MORC4: variants seen among roughly 807,000 people sequenced by gnomAD.
MORC4 encodes the protein MORC family CW-type zinc finger 4, also known as MORC family CW-type zinc finger protein 4.
A neutral mutation model predicts 65.5 loss-of-function variants in MORC4; 22 were observed. That is an observed-to-expected ratio of 0.34 (90% confidence interval 0.24 to 0.48). The LOEUF (loss-of-function observed/expected upper bound fraction) is 0.48. Among genes scored for constraint, MORC4 ranks in the 20% least tolerant of loss-of-function variants. MORC4 has a pLI of 0.99. For missense variants in MORC4, 624 were observed against 703.0 expected, an observed-to-expected ratio of 0.89 and a Z score of 1.27; for synonymous variants, 267 against 255.8, an observed-to-expected ratio of 1.04 and a Z score of -0.42.
chrX:106,995,457 CTTGT>C (rs1935061043), intron 2 of MORC4, among the ~76,000 whole-genome samples: 1 of 111,948 alleles, frequency 8.9e-6, no homozygotes, highest in African/African-American at 3.2e-5. Flanking sequence ...CTACTTAGTA[CTTGT>C]TTAGTTTCCA....
At chrX:106,964,691 A>G (rs971896906) in intron 9 of MORC4, among the ~76,000 whole-genome samples, 1 of 112,175 alleles carries the variant, frequency 8.9e-6, no homozygotes, top group Non-Finnish European at 1.9e-5. Flanking sequence ...TTTATTTTCT[A>G]TATAATGTAA....
chrX:106,958,598 G>C (rs1041551432), intron 10 of MORC4, 134 bp from the exon 11 acceptor site: 4 of 459,126 alleles, frequency 8.7e-6, no homozygotes, highest in African/African-American at 7.6e-5. Flanking sequence ...TATCATCTTG[G>C]TGCCCAAATG....
chrX:106,950,567 C>T (rs1262810878), intron 14 of MORC4, among the ~76,000 whole-genome samples: 4 of 112,201 alleles, frequency 3.6e-5, no homozygotes, highest in Admixed American at 9.4e-5. Context: ...TGAGCAAGCT[C>T]GGGTAGGAAC....
chrX:106,967,900 T>C (rs1349712199), intron 9 of MORC4, among the ~76,000 whole-genome samples: 2 of 111,783 alleles, frequency 1.8e-5, no homozygotes, highest in Non-Finnish European at 3.8e-5. Flanking sequence ...CTTCAGGATA[T>C]TATCCAGGAG....
intron 9 of MORC4, among the ~76,000 whole-genome samples, chrX:106,965,231 A>C (rs1468340585): frequency 8.9e-6 from 1 of 112,136 alleles, no homozygotes; most frequent in African/African-American, 3.2e-5. Flanking sequence ...AACTTTTGTA[A>C]GGAATTGAAG....
At chrX:106,980,797 G>A (rs1934723834) in intron 7 of MORC4, 94 bp downstream of exon 7, 1 of 849,005 alleles carries the variant, frequency 1.2e-6, no homozygotes, top group Admixed American at 2.8e-5. Context: ...TTTTTAATTT[G>A]AAAGGGAAAG....
Position 106,976,620 on chromosome X carries a change from T to C in MORC4, c.1121A>G (p.Tyr374Cys). ...VIECNFLKPA[Y>C]NKQDFEYTKE... ...GGTATACTCAAAGTCTTGTTTGTTG[T>C]AGGCAGGTTTTAGGAAATTGCACTC... The change falls in exon 9 of 17, where the codon TAC (tyrosine) becomes TGC (cysteine). Residue 374 changes from tyrosine to cysteine, a missense_variant. By Grantham distance (194) the Tyr-to-Cys change is radical. Coordinates refer to ENST00000355610, the MANE Select transcript of MORC4 (RefSeq NM_024657.5). 1 of 1,208,526 alleles carries C rather than the reference T, an allele frequency of 8.3e-7. No individual in the cohort carries two copies. Among genetic ancestry groups the C allele is most frequent in the Non-Finnish European group, 1.1e-6 (1 of 892,736 alleles).
chrX:106,965,583 A>T (rs765329882), intron 9 of MORC4, among the ~76,000 whole-genome samples: 8 of 112,322 alleles, frequency 7.1e-5, no homozygotes, highest in Non-Finnish European at 1.1e-4. Flanking sequence ...GAAGAGGGGT[A>T]CTACTATAAC....
intron 5 of MORC4, among the ~76,000 whole-genome samples, chrX:106,982,947 T>C (rs1016180845): frequency 2.7e-5 from 3 of 112,036 alleles, no homozygotes; most frequent in Non-Finnish European, 5.6e-5. Flanking sequence ...CCTTTATTTA[T>C]ACAGGTTGAA....
At chrX:106,986,894 G>A (rs937443048) in intron 3 of MORC4, among the ~76,000 whole-genome samples, 1 of 111,760 alleles carries the variant, frequency 8.9e-6, no homozygotes, top group African/African-American at 3.2e-5. Flanking sequence ...TCACTTAGGC[G>A]CCTCAACAAT....
intron 2 of MORC4, among the ~76,000 whole-genome samples, chrX:106,998,977 T>A (rs1001590337): frequency 1.8e-5 from 2 of 112,631 alleles, no homozygotes; most frequent in Non-Finnish European, 3.7e-5. Flanking sequence ...CTGCGTTTTG[T>A]GCAGGACTGC....
In MORC4 at chrX:106,962,096, G is replaced by T; in HGVS notation, c.1172C>A (p.Ala391Asp). 1 of 1,200,914 alleles carries T rather than the reference G, an allele frequency of 8.3e-7. No individual in the cohort carries two copies. The highest frequency in any genetic ancestry group is 1.1e-6 in the Non-Finnish European group (1 of 886,828). ...GTAAGCATTGAGCTTCTGGGCAAGG[G>T]CATTTATTGTTAGCCTGAAAGAAAA... is the stretch of plus-strand genomic sequence containing the variant. Reference protein sequence around the residue: ...YTKEYRLTINALAQKLNAYWK... With the variant: ...YTKEYRLTINDLAQKLNAYWK... Residue 391 changes from alanine to aspartate, a missense_variant, in exon 10 of 17, where the codon GCC (alanine) becomes GAC (aspartate). Coordinates refer to ENST00000355610, the MANE Select transcript of MORC4 (RefSeq NM_024657.5).
At position 106,985,970 on chromosome X, in the gene MORC4, C is replaced by A; in HGVS notation, c.526+13G>T. 8.4e-7 allele frequency: 1 copy of A among 1,183,947 alleles called. No individual in the cohort carries two copies. The highest frequency in any genetic ancestry group is 1.7e-5 in the African/African-American group (1 of 57,202). ...AATTTTTAACCAACATTCTCCATTT[C>A]CAGAAAGGATATTGTTTTGCTGGTT... On this transcript the variant is annotated intron_variant, in intron 4 of 16. Transcript: ENST00000355610.
intron 14 of MORC4, among the ~76,000 whole-genome samples, chrX:106,949,120 C>T (rs892871384): frequency 7.2e-5 from 8 of 111,777 alleles, no homozygotes; most frequent in African/African-American, 2.6e-4. Flanking sequence ...ATTGCATAAT[C>T]TATAACTTAT....
In MORC4 at chrX:106,976,564, T is replaced by C; in HGVS notation, c.1157+20A>G. ...ATCTGAACAAACTAACGGAAGCACC[T>C]CAGGTTGGGAGTGACTCACCGGTAC... On this transcript the variant is annotated intron_variant, in intron 9 of 16. Coordinates refer to ENST00000355610, the MANE Select transcript of MORC4 (RefSeq NM_024657.5). 1.6e-5 allele frequency: 17 copies of C among 1,073,720 alleles called. No individual in the cohort carries two copies. Among genetic ancestry groups the C allele is most frequent in the Non-Finnish European group, 2.2e-5 (17 of 772,704 alleles). 88.5% of individuals were successfully genotyped at this position (1,073,720 alleles called of 1,213,427 possible). A position where few individuals can be genotyped will look rare whatever the true frequency, so the allele number is the denominator to read the frequency against.
chrX:106,952,244 A>G (rs2147806472), intron 14 of MORC4, among the ~76,000 whole-genome samples: 1 of 111,391 alleles, frequency 9.0e-6, no homozygotes, highest in African/African-American at 3.3e-5. Context: ...AACATCATAG[A>G]GTATCCTTAC....
At chrX:106,958,640 A>C (rs1018300406) in intron 10 of MORC4, among the ~76,000 whole-genome samples, 176 bp from the exon 11 acceptor site, 1 of 112,336 alleles carries the variant, frequency 8.9e-6, no homozygotes, top group South Asian at 3.7e-4. Flanking sequence ...ATAAAATGAT[A>C]GAACTATAGC....
Position 106,942,567 on chromosome X carries a change from G to T in MORC4, c.2324C>A (p.Thr775Asn). The change falls in exon 15 of 17, where the codon ACC (threonine) becomes AAC (asparagine). Residue 775 changes from threonine (T) to asparagine (N), a missense_variant. Transcript: ENST00000355610. ...NQRELEELKRTTEKLERVLAE... is the reference protein window; with the variant it reads ...NQRELEELKRNTEKLERVLAE... ...CAAAACACGTTCCAATTTTTCTGTG[G>T]TTCTCTTCAATTCTTCCAGCTCTCT... is the stretch of plus-strand genomic sequence containing the variant. 1 of 1,210,842 alleles carries T rather than the reference G, an allele frequency of 8.3e-7. No homozygotes were observed. The highest frequency in any genetic ancestry group is 1.1e-6 in the Non-Finnish European group (1 of 895,318).
chrX:106,970,783 G>T (rs1934492008), intron 9 of MORC4, among the ~76,000 whole-genome samples: 1 of 111,699 alleles, frequency 9.0e-6, no homozygotes, highest in African/African-American at 3.3e-5. Context: ...ACCTCTTCAA[G>T]AACTACAAAC....
Sources: allele counts gnomAD v4.1 joint callset (sites outside exome capture counted in the v4.1 genomes callset), GRCh38; gene constraint gnomAD v4.1.1; transcripts MANE v1.5; gene names NCBI Gene and HGNC (gene_info 2026-07-23, HGNC 2026-07-21).